The following EBF2 variants were observed in gnomAD, a reference collection of about 807,000 sequenced individuals.
The protein encoded by EBF2 is EBF transcription factor 2.
In EBF2, 21 loss-of-function variants were observed where a neutral mutation model predicts 72.8. The observed-to-expected ratio is 0.29, with a 90% CI of 0.20 to 0.42. The LOEUF is 0.42. Ranked by LOEUF, EBF2 falls within the 10% of genes least tolerant of loss-of-function variation. The pLI is 1.00. For synonymous variants in EBF2, 299 were observed against 274.2 expected (o/e 1.09, Z -0.89); for missense variants, 637 against 731.2 (o/e 0.87, Z 1.49).
chr8:25,897,471 G>A (rs1322812193), intron 7 of EBF2, among the ~76,000 whole-genome samples: 1 of 152,096 alleles, frequency 6.6e-6, no homozygotes, highest in Non-Finnish European at 1.5e-5. Context: ...CCCAGGTAGT[G>A]AGCATAATTC....
intron 6 of EBF2, among the ~76,000 whole-genome samples, chr8:26,024,150 G>A (rs1805259265): frequency 6.6e-6 from 1 of 151,938 alleles, no homozygotes; most frequent in Non-Finnish European, 1.5e-5. Context: ...TCCTTTCCAG[G>A]TGCCTTTTCC....
At chr8:25,882,040 AC>A (rs1802613115) in intron 10 of EBF2, among the ~76,000 whole-genome samples, 1 of 152,182 alleles carries the variant, frequency 6.6e-6, no homozygotes, top group Non-Finnish European at 1.5e-5. Context: ...CAAAGCAAGA[AC>A]CCTGGAATAT....
chr8:25,913,374 GAGGTTGC>G, intron 6 of EBF2, among the ~76,000 whole-genome samples: 1 of 152,224 alleles, frequency 6.6e-6, no homozygotes. Context: ...CTGGGAGGTG[GAGGTTGC>G]AGTGAGCCGA....
At chr8:25,947,597 C>A (rs993350022) in intron 6 of EBF2, among the ~76,000 whole-genome samples, 1 of 152,190 alleles carries the variant, frequency 6.6e-6, no homozygotes, top group Non-Finnish European at 1.5e-5. Context: ...GCCTAGGAGT[C>A]CCTTGATGGT....
intron 6 of EBF2, among the ~76,000 whole-genome samples, chr8:25,995,769 G>A (rs1214067225): frequency 6.6e-6 from 1 of 151,720 alleles, no homozygotes; most frequent in Non-Finnish European, 1.5e-5. Flanking sequence ...GCGATATAAA[G>A]TTAAAAGTAA....
At chr8:25,984,373 GA>G (rs56933196) in intron 6 of EBF2, among the ~76,000 whole-genome samples, 12,491 of 152,046 alleles carry the variant, frequency 0.082, 1,740 homozygotes, top group African/African-American at 0.28. Context: ...CACAGAGCCT[GA>G]AAAAAAATCC....
At chr8:25,995,627 G>A (rs1804612716) in intron 6 of EBF2, among the ~76,000 whole-genome samples, 1 of 151,922 alleles carries the variant, frequency 6.6e-6, no homozygotes, top group African/African-American at 2.4e-5. Context: ...GAATTTTATG[G>A]TATGTAAACT....
intron 10 of EBF2, among the ~76,000 whole-genome samples, chr8:25,874,971 C>A (rs1421023694): frequency 6.6e-6 from 1 of 150,516 alleles, no homozygotes; most frequent in Non-Finnish European, 1.5e-5. Context: ...CAGGGGGGAA[C>A]CATGGTGCCT....
At chr8:25,919,357 C>G (rs1803272910) in intron 6 of EBF2, among the ~76,000 whole-genome samples, 1 of 152,038 alleles carries the variant, frequency 6.6e-6, no homozygotes, top group Admixed American at 6.6e-5. Flanking sequence ...CATGTTCTGG[C>G]AAGGAGAAGT....
At chr8:26,031,268 C>G (rs1805398650) in intron 6 of EBF2, among the ~76,000 whole-genome samples, 2 of 152,094 alleles carry the variant, frequency 1.3e-5, no homozygotes, top group South Asian at 4.1e-4. Context: ...CTCTCATATG[C>G]ATCCAGTCTC....
At chr8:25,856,539 G>A (rs1404142259) in intron 14 of EBF2, among the ~76,000 whole-genome samples, 4 of 152,178 alleles carry the variant, frequency 2.6e-5, no homozygotes, top group Admixed American at 2.6e-4. Flanking sequence ...GTTGTTGTGA[G>A]GCTCTGACTG....
chr8:25,922,068 A>C (rs1803313419), intron 6 of EBF2, among the ~76,000 whole-genome samples: 1 of 152,098 alleles, frequency 6.6e-6, no homozygotes, highest in African/African-American at 2.4e-5. Context: ...AGGATTTCTC[A>C]CTCCAGGTTC....
At chr8:25,892,174 G>A (rs777987234) in intron 7 of EBF2, among the ~76,000 whole-genome samples, 5 of 152,114 alleles carry the variant, frequency 3.3e-5, no homozygotes, top group Non-Finnish European at 7.3e-5. Flanking sequence ...GTTAGGCACA[G>A]TAAGACATTA....
chr8:25,919,809 GAGAAC>G (rs1803279342), intron 6 of EBF2, among the ~76,000 whole-genome samples: 1 of 152,174 alleles, frequency 6.6e-6, no homozygotes, highest in Admixed American at 6.5e-5. Flanking sequence ...TATCTGGAAG[GAGAAC>G]CCAGCAACCT....
chr8:25,952,687 T>C (rs1193079057), intron 6 of EBF2, among the ~76,000 whole-genome samples: 2 of 152,252 alleles, frequency 1.3e-5, no homozygotes, highest in African/African-American at 2.4e-5. Context: ...CCTTCATCTA[T>C]GCAAGTTTTA....
intron 7 of EBF2, among the ~76,000 whole-genome samples, chr8:25,905,729 A>G (rs1803021900): frequency 6.6e-6 from 1 of 152,210 alleles, no homozygotes; most frequent in African/African-American, 2.4e-5. Flanking sequence ...ATAATAGAAA[A>G]GTTCTGGAAT....
chr8:25,950,934 G>A (rs1803849402), intron 6 of EBF2, among the ~76,000 whole-genome samples: 1 of 151,984 alleles, frequency 6.6e-6, no homozygotes, highest in Admixed American at 6.6e-5. Context: ...AGATAAAAGG[G>A]CTTCTCCTCC....
At position 25,931,029 on chromosome 8, in the gene EBF2, C is replaced by A. The variant is rs77791094; in HGVS notation, c.552-22474G>T. ...GAGTTGAAGCGAATGAAACTTCAAA[C>A]TAAATTTTTATTGAAATTCTCCCCA... On this transcript the variant is annotated intron_variant, in intron 6 of 15. Coordinates refer to ENST00000520164, the MANE Select transcript of EBF2 (RefSeq NM_022659.4). Among the ~76,000 whole-genome samples the A allele has an allele frequency of 2.6e-3, 389 of 152,214 alleles. 2 individuals carry two copies. The highest frequency in any genetic ancestry group is 9.0e-3 in the African/African-American group (375 of 41,536).
intron 11 of EBF2, 78 bp downstream of exon 11, chr8:25,862,631 T>C (rs1414745659): frequency 6.1e-6 from 7 of 1,149,464 alleles, no homozygotes; most frequent in Admixed American, 2.4e-5. Context: ...TTTAATGGGA[T>C]GTAAATGCCT....
Sources: allele counts gnomAD v4.1 joint callset (sites outside exome capture counted in the v4.1 genomes callset), GRCh38; gene constraint gnomAD v4.1.1; transcripts MANE v1.5; gene names NCBI Gene and HGNC (gene_info 2026-07-23, HGNC 2026-07-21).